The following OXNAD1 variants were observed in gnomAD, a reference collection of about 807,000 sequenced individuals.
OXNAD1 encodes oxidoreductase NAD binding domain containing 1.
In OXNAD1, 34 loss-of-function variants were observed where a neutral mutation model predicts 32.9. The observed-to-expected ratio is 1.03, with a 90% CI of 0.79 to 1.38. The LOEUF is 1.38. OXNAD1 is among the 40% of genes most tolerant of loss of function. The pLI is 0.00. For synonymous variants in OXNAD1, 134 were observed against 135.2 expected (o/e 0.99, Z 0.06); for missense variants, 407 against 379.4 (o/e 1.07, Z -0.60).
At chr3:16,310,021 GA>G (rs1575176708), downstream of OXNAD1, among the ~76,000 whole-genome samples, 2 of 152,316 alleles carry the variant, frequency 1.3e-5, no homozygotes, top group East Asian at 3.9e-4. Context: ...TGAAGCAAGG[GA>G]AAAGTTTGGT....
At chr3:16,311,075 C>T (rs914614819), downstream of OXNAD1, among the ~76,000 whole-genome samples, 1 of 151,880 alleles carries the variant, frequency 6.6e-6, no homozygotes, top group South Asian at 2.1e-4. Flanking sequence ...CCTTTGTACT[C>T]CCACATGCAT....
intron 9 of OXNAD1, among the ~76,000 whole-genome samples, chr3:16,323,062 G>A (rs2069256024): frequency 6.6e-6 from 1 of 152,228 alleles, no homozygotes; most frequent in African/African-American, 2.4e-5. Flanking sequence ...CCCATGGTCA[G>A]GCTGCAGCTG....
At chr3:16,325,917 C>T (rs933593398) in intron 9 of OXNAD1, among the ~76,000 whole-genome samples, 1 of 152,174 alleles carries the variant, frequency 6.6e-6, no homozygotes, top group South Asian at 2.1e-4. Context: ...GGGGCCACAG[C>T]GGGGGCATCC....
intron 5 of OXNAD1, among the ~76,000 whole-genome samples, chr3:16,292,962 T>C (rs2066528062): frequency 6.6e-6 from 1 of 152,222 alleles, no homozygotes; most frequent in Non-Finnish European, 1.5e-5. Context: ...CTGTGAGTCC[T>C]ACAAATGTAA....
At position 16,321,821 on chromosome 3, in the gene OXNAD1, A is replaced by G. The variant is rs924203529; in HGVS notation, c.*31-15291A>G. ...ATTTTCCCTGAGGAGAGTCAGTTCA[A>G]CCTTATTACAGCAGCTTTTACAAAT... On this transcript the variant is annotated intron_variant, in intron 9 of 9. Transcript: ENST00000435829. This position sits in a 1 kb window ranked among gnomAD's most constrained non-coding sequence, Gnocchi z 4.8. Among the ~76,000 whole-genome samples the G allele has an allele frequency of 4.6e-5, 7 of 152,172 alleles. No individual in the cohort carries two copies. The highest frequency in any genetic ancestry group is 1.3e-4 in the Admixed American group (2 of 15,280).
intron 9 of OXNAD1, chr3:16,315,842 T>C (rs2068328464): frequency 6.6e-6 from 1 of 152,208 alleles, no homozygotes; most frequent in Non-Finnish European, 1.5e-5. Flanking sequence ...AAACACTCAA[T>C]CCTCACGGTG....
At chr3:16,267,563 C>T (rs2064619237) in intron 1 of OXNAD1, among the ~76,000 whole-genome samples, 1 of 152,150 alleles carries the variant, frequency 6.6e-6, no homozygotes, top group African/African-American at 2.4e-5. Context: ...AGTTGTCTGC[C>T]TTTAACATTT....
downstream of OXNAD1, among the ~76,000 whole-genome samples, chr3:16,306,804 T>G (rs765923985): frequency 1.3e-4 from 20 of 152,206 alleles, no homozygotes; most frequent in Non-Finnish European, 2.5e-4. Flanking sequence ...TATTATAAAG[T>G]GGTGTGCTTC....
rs890261413 is a variant in OXNAD1, at chr3:16,287,075, C to T, written c.290+627C>T. 6.6e-6 allele frequency among the ~76,000 whole-genome samples: 1 copy of T among 152,208 alleles called. No individual in the cohort carries two copies. The highest frequency in any genetic ancestry group is 1.5e-5 in the Non-Finnish European group (1 of 68,044). On this transcript the variant is annotated intron_variant, in intron 5 of 8. Coordinates refer to ENST00000285083, the MANE Select transcript of OXNAD1 (RefSeq NM_138381.5). The surrounding 1 kb of genome is among the most constrained non-coding windows in gnomAD (Gnocchi z 4.8). ...TCCCATTTGACTCGGGACTGATCAGCATGCTGACTGGGTAACATTTCCTCC... is the reference window on the plus strand; with the variant it reads ...TCCCATTTGACTCGGGACTGATCAGTATGCTGACTGGGTAACATTTCCTCC...
intron 4 of OXNAD1, among the ~76,000 whole-genome samples, chr3:16,273,142 C>T (rs1282278344): frequency 9.9e-5 from 15 of 151,888 alleles, no homozygotes; most frequent in African/African-American, 3.6e-4. Context: ...TTTACAAGAC[C>T]AATTAATTTT....
At position 16,301,502 on chromosome 3, in the gene OXNAD1, C is replaced by G. The variant is rs947331271; in HGVS notation, c.433-124C>G. 3.0e-5 allele frequency: 35 copies of G among 1,183,728 alleles called. No individual in the cohort carries two copies. Among genetic ancestry groups the G allele is most frequent in the Non-Finnish European group, 3.9e-5 (33 of 852,778 alleles). 73.3% of individuals were successfully genotyped at this position (1,183,728 alleles called of 1,614,324 possible). A position where few individuals can be genotyped will look rare whatever the true frequency, so the allele number is the denominator to read the frequency against. The stretch of plus-strand genomic sequence containing the variant: ...CACAGGGCATCGGGAAAATTGGGAG[C>G]AAGCTATAAAAATAGTCTTAAATAC... On this transcript the variant is annotated intron_variant, in intron 6 of 8. Coordinates refer to ENST00000285083, the MANE Select transcript of OXNAD1 (RefSeq NM_138381.5). This position sits in a 1 kb window ranked among gnomAD's most constrained non-coding sequence, Gnocchi z 4.1.
intron 6 of OXNAD1, 138 bp downstream of exon 6, chr3:16,295,135 G>C: frequency 9.1e-7 from 1 of 1,094,084 alleles, no homozygotes; most frequent in Non-Finnish European, 1.2e-6. Flanking sequence ...TTCTAAGAAA[G>C]GTCAAAGAAA....
At chr3:16,343,981 C>T (rs1225850326) in intron 9 of OXNAD1, among the ~76,000 whole-genome samples, 1 of 152,110 alleles carries the variant, frequency 6.6e-6, no homozygotes. Context: ...TGAGGTGGAG[C>T]AGGGTCTCAG....
chr3:16,313,271 G>A (rs949964606), intron 9 of OXNAD1, among the ~76,000 whole-genome samples: 1 of 144,188 alleles, frequency 6.9e-6, no homozygotes, highest in African/African-American at 2.7e-5. Context: ...TCGAACTCCT[G>A]AGCTCAAGCG....
In OXNAD1 at chr3:16,288,381, C is replaced by T. The variant is rs1324486801; in HGVS notation, c.290+1933C>T. Among the ~76,000 whole-genome samples the T allele has an allele frequency of 6.6e-6, 1 of 152,064 alleles. No homozygotes were observed. The highest frequency in any genetic ancestry group is 6.6e-5 in the Admixed American group (1 of 15,266). ...TTATCTTTGGGGTAAGAGATTGGGC[C>T]GTGATTCCACATCTCTGAATTTTTG... On this transcript the variant is annotated intron_variant, in intron 5 of 8. Transcript: ENST00000285083. The surrounding 1 kb of genome is among the most constrained non-coding windows in gnomAD (Gnocchi z 5.1).
chr3:16,326,940 G>A (rs1404561102), intron 9 of OXNAD1: 14 of 1,259,106 alleles, frequency 1.1e-5, no homozygotes, highest in Non-Finnish European at 1.6e-5. Context: ...GCAATGAGAG[G>A]GGACTATTCA....
chr3:16,344,863 C>G lies in OXNAD1; in HGVS notation c.*31-4313C>G, dbSNP rs1184866104. On this transcript the variant is annotated intron_variant, in intron 9 of 9. Transcript: ENST00000606098. The surrounding 1 kb of genome is among the most constrained non-coding windows in gnomAD (Gnocchi z 4.4). ...GGAGTGGTAGTGAGTGAACACATAA[C>G]TACAAGAACACCCCCCAACCTTTTA... Among the ~76,000 whole-genome samples the G allele has an allele frequency of 1.3e-5, 2 of 152,216 alleles. No individual in the cohort carries two copies. The highest frequency in any genetic ancestry group is 2.9e-5 in the Non-Finnish European group (2 of 68,034).
intron 9 of OXNAD1, among the ~76,000 whole-genome samples, chr3:16,333,021 A>G (rs1295303134): frequency 6.6e-6 from 1 of 152,210 alleles, no homozygotes; most frequent in Admixed American, 6.5e-5. Flanking sequence ...ACCTTGTTTA[A>G]TAGATAGTGT....
intron 9 of OXNAD1, among the ~76,000 whole-genome samples, chr3:16,319,917 G>A (rs2068851023): frequency 6.6e-6 from 1 of 152,138 alleles, no homozygotes. Context: ...TAGGACCGGG[G>A]GAGTCTCTGA....
Sources: gnomAD v4.1 joint callset for allele counts (sites outside exome capture counted in the v4.1 genomes callset) on GRCh38, gnomAD v4.1.1 for gene constraint, Gnocchi (gnomAD v3.1) non-coding constraint, MANE v1.5 for transcripts, NCBI Gene and HGNC (gene_info 2026-07-23, HGNC 2026-07-21) for gene names.